Variants in TPST1 observed in about 807,000 individuals in gnomAD.
The protein encoded by TPST1 is tyrosylprotein sulfotransferase 1.
A neutral mutation model predicts 34.8 loss-of-function variants in TPST1; 20 were observed. The observed-to-expected ratio is 0.57, with a 90% CI of 0.40 to 0.84. The LOEUF (loss-of-function observed/expected upper bound fraction) is 0.84. Ranked by LOEUF, TPST1 falls within the 40% of genes least tolerant of loss-of-function variation. The pLI is 0.00. For missense variants in TPST1, 353 were observed against 455.5 expected (o/e 0.78, Z 2.05); for synonymous variants, 152 against 159.4 (o/e 0.95, Z 0.35).
intron 4 of TPST1, among the ~76,000 whole-genome samples, chr7:66,356,487 CGTG>C (rs1562858606): frequency 1.3e-5 from 2 of 152,196 alleles, no homozygotes; most frequent in African/African-American, 4.8e-5. Context: ...CCAGAGTTGA[CGTG>C]GGCTCCAAGC....
rs559664043 is a variant in TPST1 at position 66,264,635 on chromosome 7, G to C, written c.846-21876G>C. Among the ~76,000 whole-genome samples the C allele has an allele frequency of 4.6e-5, 7 of 152,276 alleles. No homozygotes were observed. The South Asian group carries it at 1.4e-3, about 32-fold the overall frequency. ...GATTTTACAGAATTAGTTTTGATAA[G>C]TCTTGAAACAAACAACTACAACAAT... On this transcript the variant is annotated intron_variant, in intron 2 of 5. Transcript: ENST00000304842.
At chr7:66,225,339 C>T (rs1789631836) in intron 1 of TPST1, among the ~76,000 whole-genome samples, 1 of 152,070 alleles carries the variant, frequency 6.6e-6, no homozygotes, top group Non-Finnish European at 1.5e-5. Context: ...GGGCCTGGCA[C>T]AGTGGCTCAC....
intron 3 of TPST1, among the ~76,000 whole-genome samples, chr7:66,340,160 AC>A (rs1399006939): frequency 6.6e-6 from 1 of 152,022 alleles, no homozygotes; most frequent in Non-Finnish European, 1.5e-5. Context: ...ACATGGTGAA[AC>A]CCCATCTCTA....
chr7:66,262,797 T>C (rs1014450930), intron 2 of TPST1, among the ~76,000 whole-genome samples: 3 of 152,142 alleles, frequency 2.0e-5, no homozygotes, highest in African/African-American at 7.2e-5. Flanking sequence ...TGGGAGATAT[T>C]TTAAAAAATA....
At chr7:66,215,912 A>G (rs910273964) in intron 1 of TPST1, among the ~76,000 whole-genome samples, 2 of 150,646 alleles carry the variant, frequency 1.3e-5, no homozygotes, top group Non-Finnish European at 3.0e-5. Flanking sequence ...AGCTGGGACT[A>G]CAGGCGCCCG....
At chr7:66,336,367 A>C (rs923069343) in intron 3 of TPST1, among the ~76,000 whole-genome samples, 1 of 152,194 alleles carries the variant, frequency 6.6e-6, no homozygotes, top group Non-Finnish European at 1.5e-5. Flanking sequence ...AATTAAATGA[A>C]ATTTAGAAAG....
chr7:66,236,499 G>A (rs956654759), intron 1 of TPST1, among the ~76,000 whole-genome samples: 1 of 152,002 alleles, frequency 6.6e-6, no homozygotes, highest in African/African-American at 2.4e-5. Context: ...CTTTATTTAA[G>A]TATATATACT....
At chr7:66,217,222 G>A (rs1789441746) in intron 1 of TPST1, among the ~76,000 whole-genome samples, 1 of 152,082 alleles carries the variant, frequency 6.6e-6, no homozygotes, top group Non-Finnish European at 1.5e-5. Context: ...TTGTAGTATT[G>A]TAGTCTTCTA....
rs556740948 is a variant in TPST1, at chr7:66,325,657, A to G, written c.1045-26848A>G. Among the ~76,000 whole-genome samples the G allele has an allele frequency of 6.6e-5, 10 of 151,778 alleles. No homozygotes were observed. In the East Asian group the frequency reaches 1.9e-3, roughly 30 times the overall value. Reference sequence around the variant, plus strand: ...TTTTATTTTATTTTATTTTTTTAAGATGGAGTCTTGCTTTGTCACCCAGGC... The same window carrying G: ...TTTTATTTTATTTTATTTTTTTAAGGTGGAGTCTTGCTTTGTCACCCAGGC... On this transcript the variant is annotated intron_variant, in intron 3 of 5. Transcript: ENST00000304842.
At chr7:66,217,052 A>G (rs1023962115) in intron 1 of TPST1, among the ~76,000 whole-genome samples, 2 of 152,148 alleles carry the variant, frequency 1.3e-5, no homozygotes, top group Admixed American at 6.5e-5. Context: ...TGGTCAGAGA[A>G]TATACTTTAT....
intron 2 of TPST1, among the ~76,000 whole-genome samples, chr7:66,246,017 G>GT (rs997540079): frequency 6.2e-4 from 90 of 146,292 alleles, no homozygotes; most frequent in Middle Eastern, 3.5e-3. Flanking sequence ...GTCTTTTTTG[G>GT]TTTTTTTTTT....
chr7:66,235,033 G>T (rs1316112506), intron 1 of TPST1, among the ~76,000 whole-genome samples: 1 of 151,904 alleles, frequency 6.6e-6, no homozygotes, highest in African/African-American at 2.4e-5. Flanking sequence ...AAATGTTATT[G>T]TATAATAGGA....
chr7:66,267,903 A>G (rs1790623445), intron 2 of TPST1, among the ~76,000 whole-genome samples: 1 of 152,000 alleles, frequency 6.6e-6, no homozygotes. Flanking sequence ...TTAGATGGCT[A>G]CTTTTTCTCT....
At chr7:66,269,936 A>C (rs1406158061) in intron 2 of TPST1, among the ~76,000 whole-genome samples, 1 of 152,184 alleles carries the variant, frequency 6.6e-6, no homozygotes, top group Non-Finnish European at 1.5e-5. Flanking sequence ...GGGGCAATAC[A>C]AAAAACATGA....
intron 3 of TPST1, among the ~76,000 whole-genome samples, chr7:66,340,465 A>G (rs1239958247): frequency 2.0e-5 from 3 of 152,246 alleles, no homozygotes; most frequent in African/African-American, 7.2e-5. Flanking sequence ...TTATTTGCAG[A>G]TAACATGATC....
chr7:66,240,238 C>A, intron 1 of TPST1, 87 bp from the exon 2 acceptor site: 1 of 713,438 alleles, frequency 1.4e-6, no homozygotes, highest in Non-Finnish European at 2.2e-6. Flanking sequence ...CAGCTTCTTT[C>A]TACCTAAAAT....
chr7:66,294,759 C>A (rs544754289), intron 3 of TPST1, among the ~76,000 whole-genome samples: 2 of 151,670 alleles, frequency 1.3e-5, no homozygotes, highest in South Asian at 4.2e-4. Context: ...ACATATTATT[C>A]TTAATATTTT....
At chr7:66,218,565 G>T (rs1290846141) in intron 1 of TPST1, among the ~76,000 whole-genome samples, 1 of 152,162 alleles carries the variant, frequency 6.6e-6, no homozygotes, top group African/African-American at 2.4e-5. Context: ...CTATTATAGG[G>T]CTGGGCGCGG....
intron 3 of TPST1, among the ~76,000 whole-genome samples, chr7:66,308,036 T>C (rs906721804): frequency 2.0e-5 from 3 of 152,256 alleles, no homozygotes; most frequent in Admixed American, 6.5e-5. Flanking sequence ...TCAAACCATC[T>C]GCTGCTGACC....
Sources: allele counts gnomAD v4.1 joint callset (sites outside exome capture counted in the v4.1 genomes callset), GRCh38; gene constraint gnomAD v4.1.1; transcripts MANE v1.5; gene names NCBI Gene and HGNC (gene_info 2026-07-23, HGNC 2026-07-21).